Variants in CORO2B observed in about 807,000 individuals in gnomAD.
The protein encoded by CORO2B is coronin-2B.
A neutral mutation model predicts 58.8 loss-of-function variants in CORO2B; 26 were observed. That is an observed-to-expected ratio of 0.44 (90% CI 0.32 to 0.61). The LOEUF (loss-of-function observed/expected upper bound fraction) is 0.61. Ranked by LOEUF, CORO2B falls within the 20% of genes least tolerant of loss-of-function variation. The probability of loss-of-function intolerance (pLI) is 0.04; values close to 1 mark genes in which losing one functional copy is unlikely to be tolerated. For missense variants in CORO2B, 460 were observed against 645.1 expected, an observed-to-expected ratio of 0.71 and a Z score of 3.11; for synonymous variants, 242 against 253.8, an observed-to-expected ratio of 0.95 and a Z score of 0.44.
chr15:68,612,862 T>C (rs756813875), intron 1 of CORO2B, among the ~76,000 whole-genome samples: 4 of 152,156 alleles, frequency 2.6e-5, no homozygotes, highest in Non-Finnish European at 4.4e-5. Context: ...CAGTATCTGG[T>C]TTGTAACTGA....
At chr15:68,651,047 A>AC (rs1901624881) in intron 2 of CORO2B, among the ~76,000 whole-genome samples, 2 of 152,100 alleles carry the variant, frequency 1.3e-5, no homozygotes, top group African/African-American at 4.8e-5. Flanking sequence ...GAACTGCAGG[A>AC]CCCATAGTGA....
At chr15:68,532,314 G>A in the CORO2B span, among the ~76,000 whole-genome samples, 1 of 152,014 alleles carries the variant, frequency 6.6e-6, no homozygotes, top group African/African-American at 2.4e-5. Flanking sequence ...TGCCCCATAA[G>A]ACATTGTGGC....
At chr15:68,687,887 T>C (rs947180206) in intron 2 of CORO2B, among the ~76,000 whole-genome samples, 27 of 152,248 alleles carry the variant, frequency 1.8e-4, no homozygotes, top group African/African-American at 6.5e-4. Flanking sequence ...CATTAATCCA[T>C]GCATGAGGGC....
chr15:68,595,497 T>G (rs1454904202), intron 1 of CORO2B, among the ~76,000 whole-genome samples: 4 of 152,218 alleles, frequency 2.6e-5, no homozygotes, highest in African/African-American at 9.6e-5. Context: ...CTGTCCTCCT[T>G]TAGGGGACTG....
At chr15:68,618,365 T>C (rs748044115) in intron 1 of CORO2B, among the ~76,000 whole-genome samples, 17 of 152,164 alleles carry the variant, frequency 1.1e-4, no homozygotes, top group Non-Finnish European at 1.9e-4. Context: ...TCATGTGCTA[T>C]GGAAAAGGAG....
chr15:68,548,994 G>C, the CORO2B span, among the ~76,000 whole-genome samples: 2 of 151,990 alleles, frequency 1.3e-5, no homozygotes, highest in Non-Finnish European at 1.5e-5. Context: ...TTTCCTATTG[G>C]TTTATGTTTT....
upstream of CORO2B, among the ~76,000 whole-genome samples, chr15:68,578,072 TGGGAG>T (rs1020998891): frequency 1.3e-5 from 2 of 152,144 alleles, no homozygotes; most frequent in Non-Finnish European, 2.9e-5. The surrounding 1 kb of genome is among the most constrained non-coding windows in gnomAD (Gnocchi z 4.2). Context: ...CTCAGGTGCT[TGGGAG>T]GGAGACTCCT....
chr15:68,582,425 G>A (rs1314841900), intron 1 of CORO2B, among the ~76,000 whole-genome samples: 1 of 152,126 alleles, frequency 6.6e-6, no homozygotes, highest in African/African-American at 2.4e-5. Flanking sequence ...TCAGTCCAAC[G>A]TGCTTCCTAG....
At chr15:68,523,788 C>T in the CORO2B span, among the ~76,000 whole-genome samples, 1 of 152,214 alleles carries the variant, frequency 6.6e-6, no homozygotes, top group African/African-American at 2.4e-5. Context: ...CCAGGCCCTG[C>T]AGCCTCCCAT....
At chr15:68,669,647 T>A (rs1012854267) in intron 2 of CORO2B, among the ~76,000 whole-genome samples, 1 of 152,172 alleles carries the variant, frequency 6.6e-6, no homozygotes, top group Non-Finnish European at 1.5e-5. Context: ...AAAAAAAAAT[T>A]CAACTTTCTA....
chr15:68,537,251 A>G, the CORO2B span, among the ~76,000 whole-genome samples: 1 of 152,198 alleles, frequency 6.6e-6, no homozygotes, highest in African/African-American at 2.4e-5. Context: ...GAAGCCAAGA[A>G]CTACATTTCC....
intron 8 of CORO2B, among the ~76,000 whole-genome samples, chr15:68,716,868 G>A (rs978730720): frequency 3.4e-4 from 51 of 151,830 alleles, no homozygotes; most frequent in Non-Finnish European, 4.9e-4. Flanking sequence ...GGAGACCATC[G>A]GAGAGGGGGG....
At chr15:68,631,237 G>A (rs1371753506) in intron 1 of CORO2B, among the ~76,000 whole-genome samples, 1 of 152,230 alleles carries the variant, frequency 6.6e-6, no homozygotes, top group Non-Finnish European at 1.5e-5. Flanking sequence ...CCGTCAGTGG[G>A]TTATGGATGG....
At chr15:68,677,336 A>G (rs2140299770) in intron 2 of CORO2B, among the ~76,000 whole-genome samples, 1 of 152,348 alleles carries the variant, frequency 6.6e-6, no homozygotes, top group African/African-American at 2.4e-5. Context: ...GTCACCCCGC[A>G]CAAAGCCCCA....
upstream of CORO2B, among the ~76,000 whole-genome samples, chr15:68,578,069 G>T (rs1899323241): frequency 6.6e-6 from 1 of 152,164 alleles, no homozygotes; most frequent in South Asian, 2.1e-4. The surrounding 1 kb of genome is among the most constrained non-coding windows in gnomAD (Gnocchi z 4.2). Context: ...CTGCTCAGGT[G>T]CTTGGGAGGG....
the CORO2B span, among the ~76,000 whole-genome samples, chr15:68,519,210 G>C: frequency 6.6e-6 from 1 of 152,130 alleles, no homozygotes; most frequent in African/African-American, 2.4e-5. Context: ...AATGTGGCCA[G>C]GACAGACAAG....
chr15:68,566,857 C>T, the CORO2B span, among the ~76,000 whole-genome samples: 2 of 152,320 alleles, frequency 1.3e-5, no homozygotes, highest in East Asian at 1.9e-4. Context: ...CCAAACACAG[C>T]GTCATGTGCA....
intron 2 of CORO2B, among the ~76,000 whole-genome samples, chr15:68,647,055 G>T (rs1901456043): frequency 6.6e-6 from 1 of 152,136 alleles, no homozygotes; most frequent in Non-Finnish European, 1.5e-5. Flanking sequence ...GCTCACAAGG[G>T]TCAACAAGCA....
At position 68,676,516 on chromosome 15, in the gene CORO2B, A is replaced by G. The variant is rs569779137; in HGVS notation, c.217-18624A>G. Among the ~76,000 whole-genome samples, 10 of 152,242 alleles carry G rather than the reference A, an allele frequency of 6.6e-5. No individual in the cohort carries two copies. In the South Asian group the frequency reaches 2.1e-3, roughly 32 times the overall value. On this transcript the variant is annotated intron_variant, in intron 2 of 11. Transcript: ENST00000261861. ...CGTCAAATGCCAGACACCTCCATAC[A>G]CTGTCCCTGTTCCCCTGTGACATGG...
Sources: allele counts gnomAD v4.1 joint callset (sites outside exome capture counted in the v4.1 genomes callset), GRCh38; gene constraint gnomAD v4.1.1; non-coding constraint Gnocchi (gnomAD v3.1); transcripts MANE v1.5; gene names NCBI Gene and HGNC (gene_info 2026-07-23, HGNC 2026-07-21).